Variants in DST observed in about 807,000 individuals in gnomAD.
DST encodes bullous pemphigoid antigen.
In DST, 253 loss-of-function variants were observed where a neutral mutation model predicts 875.2. The observed-to-expected ratio is 0.29, with a 90% CI of 0.26 to 0.32. The LOEUF is 0.32. DST is among the 10% of genes least tolerant of loss of function. The pLI, the probability that DST is intolerant of heterozygous loss-of-function variation, is 1.00. For synonymous variants in DST, 3,124 were observed against 3,197.1 expected, an observed-to-expected ratio of 0.98 and a Z score of 0.77; for missense variants, 8,287 against 9,111.6, an observed-to-expected ratio of 0.91 and a Z score of 3.68.
At chr6:56,623,523 C>T (rs2098708363) in intron 36 of DST, among the ~76,000 whole-genome samples, 1 of 152,128 alleles carries the variant, frequency 6.6e-6, no homozygotes. Context: ...CTGCAGAAAA[C>T]TGTTAACTCT....
intron 4 of DST, among the ~76,000 whole-genome samples, chr6:56,759,274 C>A (rs2099611716): frequency 6.6e-6 from 1 of 152,080 alleles, no homozygotes; most frequent in South Asian, 2.1e-4. Flanking sequence ...ATGGTGAAAC[C>A]CTGTCTCTAT....
At chr6:56,781,193 G>T (rs963407956) in intron 4 of DST, among the ~76,000 whole-genome samples, 4 of 152,170 alleles carry the variant, frequency 2.6e-5, no homozygotes, top group African/African-American at 9.7e-5. Flanking sequence ...GCTTAGGATT[G>T]ACTTGGTGAT....
chr6:56,618,032 T>A lies in DST; in HGVS notation c.4930-3548A>T, dbSNP rs1207735894. The A allele has an allele frequency of 1.2e-6, 2 of 1,614,086 alleles. No homozygotes were observed. The highest frequency in any genetic ancestry group is 2.7e-5 in the African/African-American group (2 of 74,944). ...CACCAGTTCCATTTCACATGCGTTA[T>A]CTTGATACCTAACAGGTGGTCTAGA... On this transcript the variant is annotated intron_variant, in intron 36 of 103. Coordinates refer to ENST00000680361, the MANE Select transcript of DST (RefSeq NM_001374736.1).
At chr6:56,623,021 G>A (rs75617923) in intron 36 of DST, among the ~76,000 whole-genome samples, 4,545 of 152,144 alleles carry the variant, frequency 0.03, 217 homozygotes, top group African/African-American at 0.1. Flanking sequence ...TCTTTTACAC[G>A]ACATTCCATT....
intron 99 of DST, 105 bp downstream of exon 99, chr6:56,465,973 A>T: frequency 1.3e-6 from 1 of 767,330 alleles, no homozygotes; most frequent in Non-Finnish European, 2.1e-6. Context: ...TGAAACATTC[A>T]CTATTGGAAT....
intron 39 of DST, among the ~76,000 whole-genome samples, 188 bp downstream of exon 39, chr6:56,610,239 G>C (rs1240204212): frequency 6.6e-6 from 1 of 152,082 alleles, no homozygotes; most frequent in African/African-American, 2.4e-5. Flanking sequence ...AGAAACTGAT[G>C]GTCAGCATGT....
chr6:56,689,722 A>G (rs1447282748), intron 9 of DST, among the ~76,000 whole-genome samples: 5 of 152,166 alleles, frequency 3.3e-5, no homozygotes, highest in Non-Finnish European at 1.5e-5. Context: ...ACTGTAGGTG[A>G]CATCCAGGCA....
intron 2 of DST, among the ~76,000 whole-genome samples, chr6:56,950,210 G>A (rs1383354487): frequency 6.6e-6 from 1 of 152,068 alleles, no homozygotes; most frequent in East Asian, 1.9e-4. Context: ...CCTGAAACAG[G>A]AAATAGAGAT....
In DST at chr6:56,599,920, T is replaced by C. The variant is rs142123701; in HGVS notation, c.11694+149A>G. On this transcript the variant is annotated intron_variant, in intron 45 of 103. Transcript: ENST00000680361. ...TGGAAATCTAACTTTTAGTATAAAG[T>C]TTAAAGCTCAAGCCCAGGGCGTCTT... The C allele has an allele frequency of 7.6e-5, 48 of 630,996 alleles. No individual in the cohort carries two copies. The East Asian group carries it at 1.4e-3, about 19-fold the overall frequency. 39.1% of individuals were successfully genotyped at this position (630,996 alleles called of 1,614,324 possible). A position where few individuals can be genotyped will look rare whatever the true frequency, so the allele number is the denominator to read the frequency against.
intron 82 of DST, among the ~76,000 whole-genome samples, chr6:56,494,420 C>T (rs2095846756): frequency 6.6e-6 from 1 of 152,092 alleles, no homozygotes; most frequent in Non-Finnish European, 1.5e-5. Context: ...TTCTGGCATG[C>T]TAAGATTTGA....
chr6:56,947,639 G>C (rs1211206940), intron 2 of DST, among the ~76,000 whole-genome samples: 1 of 152,178 alleles, frequency 6.6e-6, no homozygotes, highest in Admixed American at 6.5e-5. Context: ...CTGTCATGTA[G>C]TATACACGAA....
At chr6:56,496,474 G>GT (rs200493794) in intron 82 of DST, among the ~76,000 whole-genome samples, 5,881 of 145,676 alleles carry the variant, frequency 0.04, 329 homozygotes, top group African/African-American at 0.13. Context: ...AAACAAGGAA[G>GT]TTTTTTTTTT....
intron 4 of DST, among the ~76,000 whole-genome samples, chr6:56,836,272 C>T (rs2099793422): frequency 6.6e-6 from 1 of 152,066 alleles, no homozygotes; most frequent in Non-Finnish European, 1.5e-5. Flanking sequence ...GCCAAATATA[C>T]ATTTGATGTT....
intron 67 of DST, 28 bp downstream of exon 67, chr6:56,528,813 T>C: frequency 7.2e-7 from 1 of 1,384,540 alleles, no homozygotes; most frequent in Non-Finnish European, 1.0e-6. Flanking sequence ...GCTGACCACA[T>C]GATGATTTGA....
At chr6:56,767,250 TAAACAA>T (rs1230079391) in intron 4 of DST, among the ~76,000 whole-genome samples, 11 of 152,034 alleles carry the variant, frequency 7.2e-5, no homozygotes, top group African/African-American at 2.7e-4. Flanking sequence ...GATACACTGG[TAAACAA>T]AACAAAGAGC....
chr6:56,636,428 A>G lies in DST; in HGVS notation c.3060+129T>C, dbSNP rs139910229. On this transcript the variant is annotated intron_variant, in intron 23 of 103. Coordinates refer to ENST00000680361, the MANE Select transcript of DST (RefSeq NM_001374736.1). The stretch of plus-strand genomic sequence containing the variant: ...TATATATATACACACATATATGTGT[A>G]TATATATATGTGTGTATATATATAC... 2.2e-3 allele frequency: 1,482 copies of G among 684,086 alleles called. 16 individuals are homozygous for G. The African/African-American group carries it at 0.023, about 11-fold the overall frequency. The allele number at this position is 684,086 out of a possible 1,614,324, so 42.4% of individuals were successfully genotyped here.
chr6:56,547,711 C>T (rs1157249094), intron 61 of DST, among the ~76,000 whole-genome samples: 1 of 152,136 alleles, frequency 6.6e-6, no homozygotes, highest in Non-Finnish European at 1.5e-5. Flanking sequence ...ATTTGATAAA[C>T]ACCATAATAA....
chr6:56,822,494 G>GGTT (rs1375076924), intron 4 of DST, among the ~76,000 whole-genome samples: 2 of 152,112 alleles, frequency 1.3e-5, no homozygotes, highest in Non-Finnish European at 2.9e-5. Flanking sequence ...ATCTGCAAGG[G>GGTT]GTTGCATTCT....
chr6:56,943,657 T>C (rs1817897326), intron 2 of DST, among the ~76,000 whole-genome samples: 2 of 151,862 alleles, frequency 1.3e-5, no homozygotes, highest in South Asian at 2.1e-4. Flanking sequence ...GATCTCAAAC[T>C]CCCAACCTCA....
Sources: allele counts gnomAD v4.1 joint callset (sites outside exome capture counted in the v4.1 genomes callset), GRCh38; gene constraint gnomAD v4.1.1; transcripts MANE v1.5; gene names NCBI Gene and HGNC (gene_info 2026-07-23, HGNC 2026-07-21).